ACACB: variants seen among roughly 807,000 people sequenced by gnomAD.
The protein encoded by ACACB is acetyl-CoA carboxylase beta.
In ACACB, 209 loss-of-function variants were observed where a neutral mutation model predicts 278.8. The ratio of observed to expected loss-of-function variants is 0.75; its 90% CI spans 0.67 to 0.84. ACACB has a LOEUF of 0.84. ACACB is among the 40% of genes least tolerant of loss of function. The probability of loss-of-function intolerance (pLI) is 0.00; values close to 1 mark genes in which losing one functional copy is unlikely to be tolerated. For synonymous variants in ACACB, 1,174 were observed against 1,285.6 expected (o/e 0.91, Z 1.86); for missense variants, 2,850 against 3,269.0 (o/e 0.87, Z 3.13).
chr12:109,133,861 ATATTTTTTTTTT>A (rs557080502), intron 1 of ACACB, among the ~76,000 whole-genome samples: 3,245 of 46,338 alleles, frequency 0.07, 166 homozygotes, highest in East Asian at 0.23. Context: ...ATATATATAT[ATATTTTTTTTTT>A]TTTTTTTTTC....
intron 2 of ACACB, among the ~76,000 whole-genome samples, chr12:109,152,640 C>CTTTTTTTTTTTT (rs34863094): frequency 4.4e-4 from 33 of 74,834 alleles, no homozygotes; most frequent in East Asian, 1.3e-3. Flanking sequence ...TTCTTTCTTT[C>CTTTTTTTTTTTT]TTTTTTTTTT....
chr12:109,235,752 C>G (rs1486573021), intron 33 of ACACB, 105 bp downstream of exon 33: 1 of 1,021,826 alleles, frequency 9.8e-7, no homozygotes, highest in Non-Finnish European at 1.4e-6. Flanking sequence ...AATCCTAGCA[C>G]TTTGGGAGGC....
intron 15 of ACACB, 73 bp downstream of exon 15, chr12:109,192,023 T>C: frequency 6.7e-7 from 1 of 1,483,190 alleles, no homozygotes; most frequent in South Asian, 1.2e-5. Flanking sequence ...TCTGTCTCCT[T>C]TATTTGTGTG....
chr12:109,209,984 T>C (rs1261292036), intron 21 of ACACB, among the ~76,000 whole-genome samples: 1 of 97,652 alleles, frequency 1.0e-5, no homozygotes, highest in Non-Finnish European at 2.1e-5. Flanking sequence ...TACACACACG[T>C]GTGTGTATAT....
chr12:109,252,919 G>A, intron 42 of ACACB, 96 bp from the exon 43 acceptor site: 1 of 1,248,942 alleles, frequency 8.0e-7, no homozygotes, highest in South Asian at 2.4e-5. Context: ...TGATTCTAAT[G>A]TGTAGCCAGG....
intron 19 of ACACB, among the ~76,000 whole-genome samples, chr12:109,205,881 G>T (rs748320832): frequency 6.6e-6 from 1 of 152,130 alleles, no homozygotes; most frequent in Non-Finnish European, 1.5e-5. Flanking sequence ...AGCACTGTGC[G>T]TCATGCACAG....
intron 1 of ACACB, among the ~76,000 whole-genome samples, chr12:109,137,191 AT>A (rs2042986285): frequency 1.3e-5 from 2 of 152,144 alleles, no homozygotes; most frequent in South Asian, 4.1e-4. Flanking sequence ...ACACATGATG[AT>A]CTTGAAAGGA....
chr12:109,131,294 C>G (rs1226665775), intron 1 of ACACB: 2 of 152,742 alleles, frequency 1.3e-5, no homozygotes, highest in African/African-American at 4.8e-5. Context: ...CAAGCCCCAC[C>G]CCCATGGCCT....
At chr12:109,159,344 G>A (rs1327294259) in intron 2 of ACACB, among the ~76,000 whole-genome samples, 1 of 152,106 alleles carries the variant, frequency 6.6e-6, no homozygotes, top group Admixed American at 6.5e-5. Context: ...GAAGAAAAGA[G>A]AGGGAAGAAA....
chr12:109,249,177 T>G (rs1194991987), intron 40 of ACACB: 2 of 152,186 alleles, frequency 1.3e-5, no homozygotes, highest in Admixed American at 1.3e-4. Flanking sequence ...CTTCAGTATT[T>G]AAAGGAGAAA....
At chr12:109,179,684 T>C (rs2044399552) in intron 10 of ACACB, among the ~76,000 whole-genome samples, 2 of 152,036 alleles carry the variant, frequency 1.3e-5, no homozygotes, top group South Asian at 4.1e-4. Context: ...AGAGACAGAG[T>C]CTTGCTATGT....
intron 2 of ACACB, among the ~76,000 whole-genome samples, chr12:109,148,921 TCTAA>T (rs1442169050): frequency 6.6e-6 from 1 of 152,190 alleles, no homozygotes; most frequent in Non-Finnish European, 1.5e-5. Flanking sequence ...TTCTGCATTT[TCTAA>T]CTTTCTGCTC....
At chr12:109,209,889 A>ATG (rs2045640850) in intron 21 of ACACB, among the ~76,000 whole-genome samples, 14 of 130,602 alleles carry the variant, frequency 1.1e-4, no homozygotes, top group South Asian at 7.1e-4. Context: ...GTGTGTATAT[A>ATG]TGTATATACA....
intron 2 of ACACB, among the ~76,000 whole-genome samples, chr12:109,149,819 G>A (rs1010646145): frequency 6.6e-6 from 1 of 152,224 alleles, no homozygotes; most frequent in Non-Finnish European, 1.5e-5. Context: ...TCCTTAGGGA[G>A]ACCAGGGCAA....
At chr12:109,178,109 C>T (rs765422318) in intron 9 of ACACB, among the ~76,000 whole-genome samples, 1 of 152,150 alleles carries the variant, frequency 6.6e-6, no homozygotes, top group Non-Finnish European at 1.5e-5. Flanking sequence ...TAGCAGCTGC[C>T]GATGGTGGGG....
intron 16 of ACACB, among the ~76,000 whole-genome samples, chr12:109,195,159 G>A (rs2045072289): frequency 6.6e-6 from 1 of 152,186 alleles, no homozygotes; most frequent in South Asian, 2.1e-4. Context: ...GCCGGCTGTG[G>A]CATCAGTGCC....
chr12:109,252,196 GC>G, intron 42 of ACACB, 40 bp downstream of exon 42: 1 of 1,414,390 alleles, frequency 7.1e-7, no homozygotes, highest in Non-Finnish European at 9.6e-7. Flanking sequence ...ATCCTTGGGG[GC>G]CAGGAGTCAT....
intron 49 of ACACB, among the ~76,000 whole-genome samples, chr12:109,262,809 G>T (rs1267317303): frequency 1.3e-5 from 2 of 151,354 alleles, no homozygotes; most frequent in African/African-American, 4.8e-5. Flanking sequence ...TAGATGTGGG[G>T]TTTCGCCATG....
upstream of ACACB, among the ~76,000 whole-genome samples, chr12:109,115,574 G>C (rs887004351): frequency 8.5e-6 from 1 of 118,138 alleles, no homozygotes. Context: ...GCAGGCATTT[G>C]ACCTGCATTC....
Sources: allele counts gnomAD v4.1 joint callset (sites outside exome capture counted in the v4.1 genomes callset), GRCh38; gene constraint gnomAD v4.1.1; transcripts MANE v1.5; gene names NCBI Gene and HGNC (gene_info 2026-07-23, HGNC 2026-07-21).